TRHDE: variants seen among roughly 807,000 people sequenced by gnomAD.
TRHDE encodes thyrotropin releasing hormone degrading enzyme.
In TRHDE, 72 loss-of-function variants were observed where a neutral mutation model predicts 125.7. That is an observed-to-expected ratio of 0.57 (90% CI 0.47 to 0.70). TRHDE has a LOEUF of 0.70. Ranked by LOEUF, TRHDE falls within the 30% of genes least tolerant of loss-of-function variation. The probability of loss-of-function intolerance (pLI) is 0.00; values close to 1 mark genes in which losing one functional copy is unlikely to be tolerated. For missense variants in TRHDE, 1,110 were observed against 1,327.1 expected, an observed-to-expected ratio of 0.84 and a Z score of 2.54; for synonymous variants, 509 against 509.1, an observed-to-expected ratio of 1.00 and a Z score of 0.00.
chr12:72,494,675 T>C (rs1877827621), intron 5 of TRHDE, among the ~76,000 whole-genome samples: 1 of 152,078 alleles, frequency 6.6e-6, no homozygotes, highest in Non-Finnish European at 1.5e-5. Flanking sequence ...TTTGACATGT[T>C]CAGGCAGAAG....
intron 10 of TRHDE, among the ~76,000 whole-genome samples, chr12:72,573,958 T>G (rs1870866770): frequency 6.6e-6 from 1 of 152,022 alleles, no homozygotes; most frequent in South Asian, 2.1e-4. Flanking sequence ...AAAGATTAAA[T>G]TTTTATATTC....
At chr12:72,569,563 A>G (rs1965318) in intron 10 of TRHDE, among the ~76,000 whole-genome samples, 61,367 of 152,012 alleles carry the variant, frequency 0.4, 14,958 homozygotes, top group African/African-American at 0.67. Context: ...GGAGGTTTAC[A>G]TGCTCAAAAT....
At position 72,286,944 on chromosome 12, in the gene TRHDE, G is replaced by A. The variant is rs927826949; in HGVS notation, c.1178G>A (p.Ser393Asn). ...NFTYRETTTK[S>N]GVVVRLYARP... ...ACATACAGAGAAACTACCACCAAGA[G>A]TGGGGTTGTAGTAAGTATTTTCAGC... Residue 393 changes from serine to asparagine, a missense_variant, in exon 2 of 19, where the codon AGT becomes AAT. Ser to Asn is a conservative substitution (Grantham distance 46). Around this residue, in one of 5 missense-constraint regions of TRHDE, gnomAD observed 252 missense variants for 274.8 expected, o/e 0.92. Coordinates refer to ENST00000261180, the MANE Select transcript of TRHDE (RefSeq NM_013381.3). 1 of 1,613,772 alleles carries A rather than the reference G, an allele frequency of 6.2e-7. No homozygotes were observed. Among genetic ancestry groups the A allele is most frequent in the Non-Finnish European group, 8.5e-7 (1 of 1,179,874 alleles).
At chr12:72,208,199 C>T (rs1466191099) in intron 2 of TRHDE, among the ~76,000 whole-genome samples, 1 of 152,136 alleles carries the variant, frequency 6.6e-6, no homozygotes, top group Non-Finnish European at 1.5e-5. Flanking sequence ...TACACACACT[C>T]ACACACACAT....
chr12:72,625,574 G>A (rs11179289), intron 15 of TRHDE, among the ~76,000 whole-genome samples: 21,692 of 151,764 alleles, frequency 0.14, 2,117 homozygotes, highest in East Asian at 0.54. Flanking sequence ...AGCATTACTA[G>A]TATTGTCTTT....
rs1875227258 is a variant in TRHDE at position 72,670,751 on chromosome 12, GA to G, written c.*7557del. 1 of 151,722 alleles carries G rather than the reference GA, an allele frequency of 6.6e-6. No homozygotes were observed. Among genetic ancestry groups the G allele is most frequent in the African/African-American group, 2.4e-5 (1 of 41,434 alleles). 9.4% of individuals were successfully genotyped at this position (151,722 alleles called of 1,614,324 possible). A position where few individuals can be genotyped will look rare whatever the true frequency, so the allele number is the denominator to read the frequency against. ...TATATGCCTTTAGAATAAATGAAAT[GA>G]TCTGCACTTTGGTAAAAAGTGATTT... On this transcript the variant is annotated 3_prime_UTR_variant, in exon 19 of 19. Coordinates refer to ENST00000261180, the MANE Select transcript of TRHDE (RefSeq NM_013381.3).
At chr12:72,342,323 C>T (rs113186238) in intron 2 of TRHDE, among the ~76,000 whole-genome samples, 4 of 152,128 alleles carry the variant, frequency 2.6e-5, no homozygotes, top group African/African-American at 9.6e-5. Context: ...TTTTAGTTCT[C>T]GTCTAATCAT....
rs1328262380 is a variant in TRHDE at position 72,273,034 on chromosome 12, C to T, written c.391C>T (p.Arg131Cys). The T allele has an allele frequency of 3.3e-6, 5 of 1,537,402 alleles. No homozygotes were observed. The Admixed American group carries it at 7.8e-5, about 24-fold the overall frequency. ...ADGGPSGFPE[R>C]GGNGSLPGSA... is the part of the protein sequence containing the mutation. The stretch of plus-strand genomic sequence containing the variant: ...CGGTGGCCCCTCAGGCTTTCCGGAG[C>T]GCGGCGGCAACGGGAGCCTCCCTGG... Residue 131 changes from arginine (R) to cysteine (C), a missense_variant, in exon 1 of 19, where the codon CGC becomes TGC. Coordinates refer to ENST00000261180, the MANE Select transcript of TRHDE (RefSeq NM_013381.3). This position sits in a 1 kb window ranked among gnomAD's most constrained non-coding sequence, Gnocchi z 5.3.
intron 15 of TRHDE, among the ~76,000 whole-genome samples, chr12:72,647,570 A>T (rs1018314899): frequency 6.6e-6 from 1 of 151,730 alleles, no homozygotes; most frequent in Non-Finnish European, 1.5e-5. Context: ...AGACTCAAAT[A>T]AAAACAGAAA....
chr12:72,465,914 A>T (rs911932808), intron 3 of TRHDE, among the ~76,000 whole-genome samples: 2 of 152,160 alleles, frequency 1.3e-5, no homozygotes, highest in Non-Finnish European at 2.9e-5. Context: ...CCTCATATTT[A>T]TTATAAAACC....
At position 72,443,906 on chromosome 12, in the gene TRHDE, T is replaced by A. The variant is rs370566858; in HGVS notation, c.1316-25852T>A. Among the ~76,000 whole-genome samples, 6 of 151,940 alleles carry A rather than the reference T, an allele frequency of 3.9e-5. No individual in the cohort carries two copies. In the South Asian group the frequency reaches 1.2e-3, roughly 31 times the overall value. ...ACTCAAATATTCCATAGAAATGAGA[T>A]AATTTTTCAATTAAAGGGGCCATAA... On this transcript the variant is annotated intron_variant, in intron 3 of 18. Transcript: ENST00000261180.
At chr12:72,629,683 A>G (rs1720191559) in intron 15 of TRHDE, among the ~76,000 whole-genome samples, 1 of 151,766 alleles carries the variant, frequency 6.6e-6, no homozygotes, top group Admixed American at 6.6e-5. Context: ...TTGTACTAAG[A>G]CACAGTGAGT....
intron 3 of TRHDE, among the ~76,000 whole-genome samples, chr12:72,429,925 A>C (rs1874371810): frequency 6.6e-6 from 1 of 151,986 alleles, no homozygotes; most frequent in Non-Finnish European, 1.5e-5. Flanking sequence ...GATAGATATA[A>C]AAGATTTTCT....
chr12:72,554,529 C>T (rs1030529924), intron 7 of TRHDE, among the ~76,000 whole-genome samples: 5 of 152,100 alleles, frequency 3.3e-5, no homozygotes, highest in African/African-American at 9.7e-5. Flanking sequence ...TCACCAGCAC[C>T]GGGGCTGAGA....
At chr12:72,657,163 TCA>T (rs1874740726) in intron 18 of TRHDE, among the ~76,000 whole-genome samples, 155 bp downstream of exon 18, 1 of 151,978 alleles carries the variant, frequency 6.6e-6, no homozygotes, top group South Asian at 2.1e-4. Flanking sequence ...ACTACTCAAT[TCA>T]TAATTTGCAA....
At chr12:72,504,715 G>C (rs1878291445) in intron 6 of TRHDE, among the ~76,000 whole-genome samples, 1 of 152,184 alleles carries the variant, frequency 6.6e-6, no homozygotes, top group Admixed American at 6.5e-5. Context: ...TGTAGAGATG[G>C]AGTTAATATT....
chr12:72,640,580 A>G (rs961060563), intron 15 of TRHDE, among the ~76,000 whole-genome samples: 5 of 150,196 alleles, frequency 3.3e-5, no homozygotes, highest in Admixed American at 2.0e-4. Flanking sequence ...AGCATCAGAA[A>G]ATTTTTGCCT....
At chr12:72,131,280 T>G (rs1370221634) in intron 2 of TRHDE, among the ~76,000 whole-genome samples, 2 of 151,698 alleles carry the variant, frequency 1.3e-5, no homozygotes, top group Non-Finnish European at 2.9e-5. Flanking sequence ...CACCGTGTTC[T>G]CCAGGATGGT....
At chr12:72,199,544 T>A (rs1313168890) in intron 2 of TRHDE, among the ~76,000 whole-genome samples, 1 of 152,148 alleles carries the variant, frequency 6.6e-6, no homozygotes, top group Non-Finnish European at 1.5e-5. Context: ...GAATATGATA[T>A]AGATTGGAGC....
Sources: allele counts gnomAD v4.1 joint callset (sites outside exome capture counted in the v4.1 genomes callset), GRCh38; gene constraint gnomAD v4.1.1; regional missense constraint gnomAD v4.1.1; non-coding constraint Gnocchi (gnomAD v3.1); transcripts MANE v1.5; gene names NCBI Gene and HGNC (gene_info 2026-07-23, HGNC 2026-07-21).